Variants in BCAS3 observed in about 807,000 individuals in gnomAD.
BCAS3 encodes the protein BCAS4/BCAS3 fusion.
BCAS3 carries 53 observed loss-of-function variants against 116.1 expected under a neutral mutation model. The ratio of observed to expected loss-of-function variants is 0.46; its 90% confidence interval spans 0.37 to 0.57. The LOEUF is 0.57. Ranked by LOEUF, BCAS3 falls within the 20% of genes least tolerant of loss-of-function variation. The pLI is 0.00. For missense variants in BCAS3, 917 were observed against 1,165.4 expected, an observed-to-expected ratio of 0.79 and a Z score of 3.10; for synonymous variants, 391 against 408.2, an observed-to-expected ratio of 0.96 and a Z score of 0.51.
At position 60,956,366 on chromosome 17, in the gene BCAS3, A is replaced by T. The variant is rs927657028; in HGVS notation, c.1221+9014A>T. Among the ~76,000 whole-genome samples, 6 of 152,144 alleles carry T rather than the reference A, an allele frequency of 3.9e-5. No individual in the cohort carries two copies. The highest frequency in any genetic ancestry group is 6.5e-5 in the Admixed American group (1 of 15,280). On this transcript the variant is annotated intron_variant, in intron 14 of 23. Transcript: ENST00000407086. This position sits in a 1 kb window ranked among gnomAD's most constrained non-coding sequence, Gnocchi z 4.2. Reference sequence around the variant, plus strand: ...AAGTTTTAAATTTGATGAGCATTTTATCTAGAGTTAATATTTCACTGTGCT... The same window carrying T: ...AAGTTTTAAATTTGATGAGCATTTTTTCTAGAGTTAATATTTCACTGTGCT...
intron 13 of BCAS3, among the ~76,000 whole-genome samples, chr17:60,935,853 C>G (rs114770670): frequency 0.01 from 1,563 of 151,886 alleles, 36 homozygotes; most frequent in African/African-American, 0.036. Flanking sequence ...AGCTGAGACT[C>G]ACTGACCTTT....
In BCAS3 at chr17:60,962,758, T is replaced by G. The variant is rs1269625677; in HGVS notation, c.1221+15406T>G. On this transcript the variant is annotated intron_variant, in intron 14 of 23. Transcript: ENST00000407086. This position sits in a 1 kb window ranked among gnomAD's most constrained non-coding sequence, Gnocchi z 4.4. Reference sequence around the variant, plus strand: ...CTTCTTAGCTTCAGGTAATCCCATTTGTCTATTTTGCTTTGGTTGTCTAGG... The same window carrying G: ...CTTCTTAGCTTCAGGTAATCCCATTGGTCTATTTTGCTTTGGTTGTCTAGG... 1.3e-5 allele frequency among the ~76,000 whole-genome samples: 2 copies of G among 152,228 alleles called. No homozygotes were observed. The highest frequency in any genetic ancestry group is 4.8e-5 in the African/African-American group (2 of 41,460).
intron 5 of BCAS3, among the ~76,000 whole-genome samples, chr17:60,718,662 C>T (rs1265655418): frequency 2.0e-5 from 3 of 152,134 alleles, no homozygotes; most frequent in Non-Finnish European, 2.9e-5. Context: ...ATTCATTTAG[C>T]ATTACCATTT....
At chr17:61,116,435 A>T (rs912571228) in intron 22 of BCAS3, among the ~76,000 whole-genome samples, 2 of 152,112 alleles carry the variant, frequency 1.3e-5, no homozygotes, top group Non-Finnish European at 2.9e-5. Flanking sequence ...ATCCTGATTT[A>T]TAATATAATT....
Position 61,061,627 on chromosome 17 carries a change from T to C in BCAS3, c.2030-13293T>C, listed in dbSNP as rs1260146314. Among the ~76,000 whole-genome samples, 4 of 152,360 alleles carry C rather than the reference T, an allele frequency of 2.6e-5. 1 individual carries two copies. The East Asian group carries it at 7.7e-4, about 29-fold the overall frequency. ...CAACATCAATTTACAGTAGGTTCCATATATGCTCTACTCATCCTAGTATCT... is the reference window on the plus strand; with the variant it reads ...CAACATCAATTTACAGTAGGTTCCACATATGCTCTACTCATCCTAGTATCT... On this transcript the variant is annotated intron_variant, in intron 19 of 23. Transcript: ENST00000407086.
chr17:61,089,611 C>G (rs2073376913), intron 22 of BCAS3, among the ~76,000 whole-genome samples: 1 of 141,700 alleles, frequency 7.1e-6, no homozygotes. Context: ...CTCACTGCAA[C>G]CTCCGCCTCC....
chr17:60,837,651 ACT>A (rs2051480613), intron 7 of BCAS3, among the ~76,000 whole-genome samples: 1 of 140,654 alleles, frequency 7.1e-6, no homozygotes, highest in African/African-American at 3.1e-5. Context: ...ATTTCACAAT[ACT>A]TTTTTTTTTT....
chr17:61,173,138 A>C (rs2078950329), intron 22 of BCAS3, among the ~76,000 whole-genome samples: 2 of 152,080 alleles, frequency 1.3e-5, no homozygotes, highest in Non-Finnish European at 2.9e-5. Flanking sequence ...GGATTTAAGA[A>C]ATAAAAAGGA....
At chr17:60,942,385 C>T (rs886191467) in intron 13 of BCAS3, among the ~76,000 whole-genome samples, 41 of 152,126 alleles carry the variant, frequency 2.7e-4, no homozygotes, top group African/African-American at 8.0e-4. Context: ...CAAGATTGTG[C>T]CACTGCACTC....
At chr17:61,322,830 C>CAGAGAGAGAGAGAGAGAGAGAGAGAGAG (rs1237128472) in intron 22 of BCAS3, among the ~76,000 whole-genome samples, 1 of 75,430 alleles carries the variant, frequency 1.3e-5, no homozygotes, top group Non-Finnish European at 2.8e-5. Flanking sequence ...GAGAGAGAGA[C>CAGAGAGAGAGAGAGAGAGAGAGAGAGAG]AGAGAGAGAG....
chr17:60,982,386 A>G (rs1420270977), intron 14 of BCAS3, among the ~76,000 whole-genome samples: 1 of 152,188 alleles, frequency 6.6e-6, no homozygotes, highest in Non-Finnish European at 1.5e-5. Flanking sequence ...AACTCACTGC[A>G]GCCTCATAAC....
At position 60,773,953 on chromosome 17, in the gene BCAS3, T is replaced by C. The variant is rs75864021; in HGVS notation, c.403+26674T>C. Among the ~76,000 whole-genome samples the C allele has an allele frequency of 3.3e-5, 5 of 152,340 alleles. No individual in the cohort carries two copies. In the East Asian group the frequency reaches 9.6e-4, roughly 29 times the overall value. On this transcript the variant is annotated intron_variant, in intron 6 of 23. Coordinates refer to ENST00000407086, the MANE Select transcript of BCAS3 (RefSeq NM_017679.5). ...TGAGCCACTTTGCCCGGCCTTACTG[T>C]TATGTTCGTTGTGTGTTTTAGATAA... is the stretch of plus-strand genomic sequence containing the variant.
At chr17:61,212,605 G>A (rs923288778) in intron 22 of BCAS3, among the ~76,000 whole-genome samples, 2 of 151,344 alleles carry the variant, frequency 1.3e-5, no homozygotes, top group Non-Finnish European at 2.9e-5. Context: ...ACATATACAT[G>A]TATAAAGATA....
chr17:61,292,373 G>A (rs1030170530), intron 22 of BCAS3, among the ~76,000 whole-genome samples: 16 of 152,056 alleles, frequency 1.1e-4, no homozygotes, highest in East Asian at 3.9e-4. Context: ...ATGAGGGGCC[G>A]GGCATGGTGG....
At chr17:60,982,180 T>C (rs2062854690) in intron 14 of BCAS3, among the ~76,000 whole-genome samples, 1 of 140,510 alleles carries the variant, frequency 7.1e-6, no homozygotes, top group Admixed American at 6.6e-5. Context: ...AGTTATTTTC[T>C]GTATTTATGT....
rs536325799 is a variant in BCAS3, at chr17:61,015,964, A to C, written c.1637+63A>C. On this transcript the variant is annotated intron_variant, in intron 16 of 23. Coordinates refer to ENST00000407086, the MANE Select transcript of BCAS3 (RefSeq NM_017679.5). Reference sequence around the variant, plus strand: ...TTATAGGGTTGAATGAATAAAAATAAAACATACTTTTTCTTTGTGTGGTTT... The same window carrying C: ...TTATAGGGTTGAATGAATAAAAATACAACATACTTTTTCTTTGTGTGGTTT... 8 of 1,484,970 alleles carry C rather than the reference A, an allele frequency of 5.4e-6. No individual in the cohort carries two copies. In the Admixed American group the frequency reaches 1.0e-4, roughly 18 times the overall value. The allele number at this position is 1,484,970 out of a possible 1,614,324, so 92.0% of individuals were successfully genotyped here. A position where few individuals can be genotyped will look rare whatever the true frequency, so the allele number is the denominator to read the frequency against.
At chr17:60,776,948 G>A (rs943159035) in intron 6 of BCAS3, among the ~76,000 whole-genome samples, 6 of 150,520 alleles carry the variant, frequency 4.0e-5, no homozygotes, top group Admixed American at 3.3e-4. Context: ...CCAGGAGGCG[G>A]AGGTTGCGGT....
chr17:61,123,888 G>A (rs2075921891), intron 22 of BCAS3, among the ~76,000 whole-genome samples: 1 of 152,080 alleles, frequency 6.6e-6, no homozygotes, highest in Non-Finnish European at 1.5e-5. Context: ...ACATAATTTT[G>A]AGAGAAGAAT....
chr17:60,847,999 A>G (rs746544196), intron 7 of BCAS3, among the ~76,000 whole-genome samples: 1 of 152,216 alleles, frequency 6.6e-6, no homozygotes, highest in Non-Finnish European at 1.5e-5. Flanking sequence ...GTTGGGGGCT[A>G]GGGTTTCCCT....
Sources: gnomAD v4.1 joint callset for allele counts (sites outside exome capture counted in the v4.1 genomes callset) on GRCh38, gnomAD v4.1.1 for gene constraint, Gnocchi (gnomAD v3.1) non-coding constraint, MANE v1.5 for transcripts, NCBI Gene and HGNC (gene_info 2026-07-23, HGNC 2026-07-21) for gene names.